UNC5C: variants seen among roughly 807,000 people sequenced by gnomAD.
UNC5C encodes netrin receptor UNC5C.
A neutral mutation model predicts 99.8 loss-of-function variants in UNC5C; 47 were observed. The observed-to-expected ratio is 0.47, with a 90% CI of 0.37 to 0.60. The LOEUF (loss-of-function observed/expected upper bound fraction) is 0.60, where lower values mean the gene tolerates loss of function less well. Among genes scored for constraint, UNC5C ranks in the 20% least tolerant of loss-of-function variants. UNC5C has a pLI of 0.00. For synonymous variants in UNC5C, 487 were observed against 452.2 expected (o/e 1.08, Z -0.98); for missense variants, 1,062 against 1,165.9 (o/e 0.91, Z 1.30).
chr4:95,524,753 G>C (rs1722455613), intron 1 of UNC5C, among the ~76,000 whole-genome samples: 2 of 152,158 alleles, frequency 1.3e-5, no homozygotes, highest in Admixed American at 6.5e-5. Context: ...AGACTCAGAG[G>C]CATGCAATAT....
At chr4:95,256,404 A>G (rs72674508) in intron 4 of UNC5C, among the ~76,000 whole-genome samples, 10,696 of 152,046 alleles carry the variant, frequency 0.07, 489 homozygotes, top group African/African-American at 0.12. Context: ...TTACTTAGAC[A>G]AAAGCCTGAC....
chr4:95,261,629 T>G (rs771332554), intron 4 of UNC5C, among the ~76,000 whole-genome samples: 1 of 152,054 alleles, frequency 6.6e-6, no homozygotes, highest in Non-Finnish European at 1.5e-5. Context: ...TCCAGCACTA[T>G]GCAAAAATTT....
chr4:95,427,993 T>C (rs1239040670), intron 1 of UNC5C, among the ~76,000 whole-genome samples: 5 of 152,128 alleles, frequency 3.3e-5, no homozygotes, highest in African/African-American at 4.8e-5. Flanking sequence ...TATTCATGAC[T>C]ACCATTTCTC....
At chr4:95,475,315 G>C (rs1179455406) in intron 1 of UNC5C, among the ~76,000 whole-genome samples, 1 of 151,810 alleles carries the variant, frequency 6.6e-6, no homozygotes, top group African/African-American at 2.4e-5. Context: ...ACCCATTTTG[G>C]GTCTTACTTA....
At chr4:95,191,689 CA>C (rs1560723225) in intron 12 of UNC5C, among the ~76,000 whole-genome samples, 1 of 150,630 alleles carries the variant, frequency 6.6e-6, no homozygotes, top group Non-Finnish European at 1.5e-5. Flanking sequence ...CCTCCCCAAT[CA>C]CCTCCTCCCC....
intron 2 of UNC5C, among the ~76,000 whole-genome samples, chr4:95,332,483 T>A (rs1285522034): frequency 2.0e-5 from 3 of 150,540 alleles, no homozygotes; most frequent in Non-Finnish European, 4.4e-5. Flanking sequence ...GGATTCCCTA[T>A]TTAATACGTG....
intron 2 of UNC5C, among the ~76,000 whole-genome samples, chr4:95,325,321 T>A (rs1742846335): frequency 6.6e-6 from 1 of 152,126 alleles, no homozygotes. Flanking sequence ...GAGAATAAAC[T>A]GCTGGAAAAA....
chr4:95,256,681 G>A (rs1739995779), intron 4 of UNC5C, among the ~76,000 whole-genome samples: 1 of 117,690 alleles, frequency 8.5e-6, no homozygotes, highest in African/African-American at 2.9e-5. Flanking sequence ...GAGTTGTCTA[G>A]AGGGACAGAA....
At chr4:95,417,519 G>A (rs1746202053) in intron 1 of UNC5C, among the ~76,000 whole-genome samples, 1 of 152,102 alleles carries the variant, frequency 6.6e-6, no homozygotes, top group Non-Finnish European at 1.5e-5. Flanking sequence ...ATGCTGTTCA[G>A]ATTGATTAAA....
chr4:95,177,385 A>G (rs1286698604), intron 14 of UNC5C, among the ~76,000 whole-genome samples: 1 of 144,952 alleles, frequency 6.9e-6, no homozygotes, highest in African/African-American at 2.6e-5. Flanking sequence ...TCAGGGGCTC[A>G]ACACCACCAT....
intron 12 of UNC5C, among the ~76,000 whole-genome samples, chr4:95,195,943 A>T (rs1393734738): frequency 6.6e-6 from 1 of 151,502 alleles, no homozygotes; most frequent in South Asian, 2.1e-4. Flanking sequence ...ACATTATTTG[A>T]TTTATATCAC....
chr4:95,411,490 C>A (rs1470532322), intron 1 of UNC5C, among the ~76,000 whole-genome samples: 1 of 152,140 alleles, frequency 6.6e-6, no homozygotes, highest in South Asian at 2.1e-4. Flanking sequence ...GAAGTTCCTG[C>A]AGGAAATAGT....
chr4:95,319,057 C>T (rs1158715756), intron 2 of UNC5C, among the ~76,000 whole-genome samples: 1 of 152,162 alleles, frequency 6.6e-6, no homozygotes. Context: ...ACTTACAGCA[C>T]CAAGTAAAGT....
chr4:95,376,654 A>T (rs998510493), intron 1 of UNC5C, among the ~76,000 whole-genome samples: 1 of 152,200 alleles, frequency 6.6e-6, no homozygotes, highest in African/African-American at 2.4e-5. Flanking sequence ...ACCAAAATAC[A>T]GTCATTTGAC....
chr4:95,325,447 T>C (rs749996573), intron 2 of UNC5C, among the ~76,000 whole-genome samples: 1 of 151,692 alleles, frequency 6.6e-6, no homozygotes, highest in Non-Finnish European at 1.5e-5. Flanking sequence ...AATTTGAAAA[T>C]AAATTGGCAA....
At chr4:95,255,262 G>C (rs934096740) in intron 4 of UNC5C, among the ~76,000 whole-genome samples, 1 of 152,106 alleles carries the variant, frequency 6.6e-6, no homozygotes, top group African/African-American at 2.4e-5. Context: ...TTACAGGTGT[G>C]AGCCACCATG....
intron 1 of UNC5C, among the ~76,000 whole-genome samples, chr4:95,396,318 T>C (rs779350124): frequency 2.4e-4 from 37 of 152,314 alleles, no homozygotes; most frequent in Admixed American, 1.9e-3. Context: ...GCAAAGGTGT[T>C]AGAGACATGA....
chr4:95,388,716 A>G (rs1745276630), intron 1 of UNC5C, among the ~76,000 whole-genome samples: 1 of 152,186 alleles, frequency 6.6e-6, no homozygotes, highest in African/African-American at 2.4e-5. Flanking sequence ...TAATTCTCCA[A>G]TAACTTCATT....
chr4:95,394,257 CAA>C (rs11441712), intron 1 of UNC5C, among the ~76,000 whole-genome samples: 10 of 132,628 alleles, frequency 7.5e-5, no homozygotes, highest in African/African-American at 2.7e-4. Context: ...TAGTAATTTA[CAA>C]AAAAAAAAAA....
Sources: allele counts gnomAD v4.1 joint callset (sites outside exome capture counted in the v4.1 genomes callset), GRCh38; gene constraint gnomAD v4.1.1; transcripts MANE v1.5; gene names NCBI Gene and HGNC (gene_info 2026-07-23, HGNC 2026-07-21).